PEX1: variants seen among roughly 807,000 people sequenced by gnomAD.
PEX1 encodes peroxisomal ATPase PEX1.
A neutral mutation model predicts 152.5 loss-of-function variants in PEX1; 97 were observed. The ratio of observed to expected loss-of-function variants is 0.64; its 90% CI spans 0.54 to 0.75. PEX1 has a LOEUF of 0.75. Ranked by LOEUF, PEX1 falls within the 30% of genes least tolerant of loss-of-function variation. PEX1 has a pLI of 0.00. For synonymous variants in PEX1, 485 were observed against 531.6 expected, an observed-to-expected ratio of 0.91 and a Z score of 1.21; for missense variants, 1,357 against 1,516.3, an observed-to-expected ratio of 0.89 and a Z score of 1.74.
intron 17 of PEX1, 146 bp downstream of exon 17, chr7:92,496,567 G>C (rs1019628450): frequency 4.4e-6 from 3 of 685,448 alleles, no homozygotes; most frequent in Non-Finnish European, 8.0e-6. Context: ...TGATGAAATA[G>C]AGAATCCACG....
chr7:92,517,176 A>C (rs1458533970), intron 5 of PEX1, 100 bp downstream of exon 5: 6 of 992,972 alleles, frequency 6.0e-6, no homozygotes, highest in Non-Finnish European at 9.4e-6. Context: ...GTTTCTTTTT[A>C]ATTGATTTTC....
chr7:92,504,917 T>C lies in PEX1; in HGVS notation c.1901-15A>G. ...AAGCCTTTTTCCTTAATACAGAAGA[T>C]ATGAAATGGTTTCAGTATCATTTCA... On this transcript the variant is annotated splice_polypyrimidine_tract_variant and intron_variant, in intron 11 of 23. Transcript: ENST00000248633. The C allele has an allele frequency of 6.2e-7, 1 of 1,600,824 alleles. No individual in the cohort carries two copies. Among genetic ancestry groups the C allele is most frequent in the South Asian group, 1.1e-5 (1 of 90,758 alleles).
chr7:92,494,609 C>G lies in PEX1; in HGVS notation c.2804G>C (p.Cys935Ser). Residue 935 changes from cysteine (C) to serine (S), a missense_variant, in exon 18 of 24, where the codon TGC becomes TCC. Transcript: ENST00000248633. ...IFIRAQAAKP[C>S]ILFFDEFESI... ...TTCAAATTCATCAAAGAAAAGAATG[C>G]AGGGCTTTGCAGCCTGTGCTCTGGG... The G allele has an allele frequency of 1.2e-6, 2 of 1,613,978 alleles. No homozygotes were observed. Among genetic ancestry groups the G allele is most frequent in the Non-Finnish European group, 1.7e-6 (2 of 1,179,920 alleles).
At position 92,503,033 on chromosome 7, in the gene PEX1, T is replaced by C. The variant is rs772716358; in HGVS notation, c.2226+8A>G. 2.5e-6 allele frequency: 4 copies of C among 1,607,458 alleles called. No individual in the cohort carries two copies. Among genetic ancestry groups the C allele is most frequent in the Non-Finnish European group, 3.4e-6 (4 of 1,174,046 alleles). On this transcript the variant is annotated splice_region_variant and intron_variant, in intron 13 of 23. Coordinates refer to ENST00000248633, the MANE Select transcript of PEX1 (RefSeq NM_000466.3). ...ATAATTCAATAATCCTTACAAGTAG[T>C]GTATTACCTGATTAGGAGGCTGAAT...
chr7:92,528,498 G>C lies in PEX1; in HGVS notation c.-63C>G. On this transcript the variant is annotated 5_prime_UTR_variant, in exon 1 of 24. Coordinates refer to ENST00000248633, the MANE Select transcript of PEX1 (RefSeq NM_000466.3). The stretch of plus-strand genomic sequence containing the variant: ...GCCGCAAAGGACCCGGGACCCGGCA[G>C]GCCGAGGACGTCGGAGCCGGAGGAG... 1 of 1,494,768 alleles carries C rather than the reference G, an allele frequency of 6.7e-7. No homozygotes were observed. Among genetic ancestry groups the C allele is most frequent in the Admixed American group, 2.1e-5 (1 of 47,074 alleles). The allele number at this position is 1,494,768 out of a possible 1,614,324, so 92.6% of individuals were successfully genotyped here.
At position 92,499,845 on chromosome 7, in the gene PEX1, AAC is replaced by A. The variant is rs1554370144; in HGVS notation, c.2584-9_2584-8del. 2 of 1,510,386 alleles carry A rather than the reference AAC, an allele frequency of 1.3e-6. No individual in the cohort carries two copies. The highest frequency in any genetic ancestry group is 1.2e-5 in the South Asian group (1 of 86,602). 93.6% of individuals were successfully genotyped at this position (1,510,386 alleles called of 1,614,324 possible). ...TTGCAAATAATTCTGGATACTGAGA[AAC>A]AAAAAAAAAAAATATGAAAAAGAGC... On this transcript the variant is annotated splice_region_variant and splice_polypyrimidine_tract_variant and intron_variant, in intron 15 of 23. Coordinates refer to ENST00000248633, the MANE Select transcript of PEX1 (RefSeq NM_000466.3).
In PEX1 at chr7:92,511,670, C is replaced by G. The variant is rs1792473763; in HGVS notation, c.1393G>C (p.Val465Leu). 6.2e-7 allele frequency: 1 copy of G among 1,611,282 alleles called. No homozygotes were observed. The highest frequency in any genetic ancestry group is 1.1e-5 in the South Asian group (1 of 91,024). The change falls in exon 7 of 24, where the codon GTA becomes CTA. Residue 465 changes from valine (V) to leucine (L), a missense_variant. Val to Leu is a conservative substitution (Grantham distance 32, BLOSUM62 1). Transcript: ENST00000248633. The stretch of plus-strand genomic sequence containing the variant: ...GACTGCTGTAGCCATGAATAAAATA[C>G]AGTTTTTATGTCTTCTTCACTTATG... ...KDISEEDIKT[V>L]FYSWLQQSTT...
intron 5 of PEX1, among the ~76,000 whole-genome samples, chr7:92,516,368 A>C (rs1195445595): frequency 6.6e-6 from 1 of 151,952 alleles, no homozygotes; most frequent in Admixed American, 6.6e-5. Context: ...CGGAGGTTGC[A>C]GTGAGCCAGA....
intron 16 of PEX1, among the ~76,000 whole-genome samples, chr7:92,498,466 T>C (rs776095786): frequency 2.6e-5 from 4 of 152,138 alleles, no homozygotes; most frequent in Non-Finnish European, 4.4e-5. Context: ...GCCTGGCCAA[T>C]AGAGTGAGAC....
Position 92,501,945 on chromosome 7 carries a change from A to T in PEX1, c.2361T>A (p.Leu787=), listed in dbSNP as rs1319283736. The T allele has an allele frequency of 6.2e-7, 1 of 1,614,028 alleles. No individual in the cohort carries two copies. Among genetic ancestry groups the T allele is most frequent in the East Asian group, 2.2e-5 (1 of 44,874 alleles). The change falls in exon 14 of 24, where the codon CTT becomes CTA. Residue 787 remains leucine (L), a synonymous_variant. Transcript: ENST00000248633. ...GGFVARDFTV[L]VDRAIHSRLS... ...GTCGAGAATGTATGGCTCGATCCAC[A>T]AGTACTGTAAAATCTCTAGCCACAA...
intron 20 of PEX1, 113 bp downstream of exon 20, chr7:92,492,840 A>G: frequency 2.4e-6 from 2 of 826,264 alleles, no homozygotes; most frequent in Non-Finnish European, 4.3e-6. Context: ...TTATGTTTCT[A>G]TACAGTTTTA....
chr7:92,494,071 C>T, intron 19 of PEX1: 1 of 508,648 alleles, frequency 2.0e-6, no homozygotes, highest in Non-Finnish European at 3.6e-6. Context: ...CCCCAATCAG[C>T]CAACACAGAA....
intron 1 of PEX1, among the ~76,000 whole-genome samples, chr7:92,523,393 G>A (rs548087255): frequency 6.6e-6 from 1 of 151,742 alleles, no homozygotes; most frequent in African/African-American, 2.4e-5. Context: ...ACAATCATAG[G>A]TCACTGTAAC....
intron 6 of PEX1, among the ~76,000 whole-genome samples, chr7:92,512,816 A>G (rs1792540325): frequency 6.6e-6 from 1 of 151,844 alleles, no homozygotes; most frequent in Non-Finnish European, 1.5e-5. Flanking sequence ...TTTTTTGTAG[A>G]GATGGGGTCT....
chr7:92,491,478 C>G lies in PEX1; in HGVS notation c.3232G>C (p.Asp1078His). 6.2e-7 allele frequency: 1 copy of G among 1,611,836 alleles called. No homozygotes were observed. Among genetic ancestry groups the G allele is most frequent in the Non-Finnish European group, 8.5e-7 (1 of 1,178,088 alleles). The change falls in exon 21 of 24, where the codon GAC (aspartate) becomes CAC (histidine). Residue 1078 changes from aspartate to histidine, a missense_variant. By Grantham distance (81) the Asp-to-His change is moderately conservative (BLOSUM62 -1). Coordinates refer to ENST00000248633, the MANE Select transcript of PEX1 (RefSeq NM_000466.3). ...LQDGSSSSDS[D>H]LSLSSMVFLN... The stretch of plus-strand genomic sequence containing the variant: ...AAGACCATTGAAGACAGACTTAGGT[C>G]ACTATCAGAGCTGGAACTTCCATCC...
intron 12 of PEX1, 30 bp from the exon 13 acceptor site, chr7:92,503,225 T>C (rs1485519864): frequency 1.9e-6 from 3 of 1,596,882 alleles, no homozygotes; most frequent in Non-Finnish European, 8.6e-7. Flanking sequence ...TGCAAAAGCT[T>C]AGGAAAAGTA....
At chr7:92,514,860 GCCAATATGGTGAAA>G (rs1343900264) in intron 5 of PEX1, among the ~76,000 whole-genome samples, 7 of 151,888 alleles carry the variant, frequency 4.6e-5, no homozygotes, top group Admixed American at 2.6e-4. Flanking sequence ...GACCAGCGTG[GCCAATATGGTGAAA>G]CCTCGTCTCT....
rs747033841 is a variant in PEX1 at position 92,522,258 on chromosome 7, G to C, written c.130-13C>G. On this transcript the variant is annotated splice_polypyrimidine_tract_variant and intron_variant, in intron 1 of 23. Transcript: ENST00000248633. ...CTATAGCTTGATTCTATTCATATAA[G>C]AAATGAGAGGAAAAAAGGTTTTCGT... is the stretch of plus-strand genomic sequence containing the variant. The C allele has an allele frequency of 7.4e-6, 12 of 1,612,800 alleles. No homozygotes were observed. Among genetic ancestry groups the C allele is most frequent in the South Asian group, 1.1e-5 (1 of 90,986 alleles).
Position 92,528,502 on chromosome 7 carries a change from G to T in PEX1, c.-67C>A. The T allele has an allele frequency of 6.7e-7, 1 of 1,487,692 alleles. No homozygotes were observed. Among genetic ancestry groups the T allele is most frequent in the Non-Finnish European group, 8.9e-7 (1 of 1,118,960 alleles). 92.2% of individuals were successfully genotyped at this position (1,487,692 alleles called of 1,614,324 possible). A position where few individuals can be genotyped will look rare whatever the true frequency, so the allele number is the denominator to read the frequency against. On this transcript the variant is annotated 5_prime_UTR_variant, in exon 1 of 24. Transcript: ENST00000248633. ...CAAAGGACCCGGGACCCGGCAGGCC[G>T]AGGACGTCGGAGCCGGAGGAGATCG...
Sources: allele counts gnomAD v4.1 joint callset (sites outside exome capture counted in the v4.1 genomes callset), GRCh38; gene constraint gnomAD v4.1.1; transcripts MANE v1.5; gene names NCBI Gene and HGNC (gene_info 2026-07-23, HGNC 2026-07-21).